CCDC13: variants seen among roughly 807,000 people sequenced by gnomAD.
The protein encoded by CCDC13 is coiled-coil domain containing 13, also known as coiled-coil domain-containing protein 13.
In CCDC13, 70 loss-of-function variants were observed where a neutral mutation model predicts 87.3. The ratio of observed to expected loss-of-function variants is 0.80; its 90% CI spans 0.66 to 0.98. The LOEUF (loss-of-function observed/expected upper bound fraction) is 0.98, where lower values mean the gene tolerates loss of function less well. Ranked by LOEUF, CCDC13 falls within the 50% of genes least tolerant of loss-of-function variation. CCDC13 has a pLI of 0.00. For missense variants in CCDC13, 842 were observed against 892.0 expected, an observed-to-expected ratio of 0.94 and a Z score of 0.71; for synonymous variants, 317 against 360.3, an observed-to-expected ratio of 0.88 and a Z score of 1.36.
chr3:42,747,437 C>T, intron 5 of CCDC13, 64 bp from the exon 6 acceptor site: 1 of 1,111,206 alleles, frequency 9.0e-7, no homozygotes, highest in Non-Finnish European at 1.4e-6. Context: ...GTAATCATAG[C>T]CCCCATTTAT....
chr3:42,742,654 A>G (rs1475896829), intron 8 of CCDC13, among the ~76,000 whole-genome samples: 2 of 152,114 alleles, frequency 1.3e-5, no homozygotes, highest in Non-Finnish European at 2.9e-5. Flanking sequence ...AGCACCTCCA[A>G]AACAGCCAGG....
At chr3:42,727,751 A>C (rs1698722316) in intron 13 of CCDC13, among the ~76,000 whole-genome samples, 1 of 152,256 alleles carries the variant, frequency 6.6e-6, no homozygotes, top group Non-Finnish European at 1.5e-5. Flanking sequence ...AACTAACTTT[A>C]GATTGCTGAG....
intron 2 of CCDC13, 37 bp downstream of exon 2, chr3:42,758,087 AC>A: frequency 1.9e-6 from 3 of 1,548,656 alleles, no homozygotes; most frequent in Non-Finnish European, 2.7e-6. Flanking sequence ...ACACACACAC[AC>A]ACACACACCC....
chr3:42,751,219 C>T (rs1427362629), intron 5 of CCDC13, among the ~76,000 whole-genome samples: 1 of 152,188 alleles, frequency 6.6e-6, no homozygotes, highest in African/African-American at 2.4e-5. Context: ...CACCAACTGG[C>T]CTGGCTTCCC....
intron 1 of CCDC13, among the ~76,000 whole-genome samples, chr3:42,770,028 AAG>A (rs1559667381): frequency 2.6e-5 from 4 of 152,104 alleles, no homozygotes. Flanking sequence ...GTCCCATCAA[AAG>A]CCCAAGGGCT....
At chr3:42,747,460 C>T in intron 5 of CCDC13, 87 bp from the exon 6 acceptor site, 1 of 921,436 alleles carries the variant, frequency 1.1e-6, no homozygotes, top group Non-Finnish European at 1.7e-6. Flanking sequence ...AAGTCTGTGC[C>T]AGGCACTGTG....
chr3:42,727,441 T>C (rs1409706777), intron 13 of CCDC13, among the ~76,000 whole-genome samples: 1 of 152,126 alleles, frequency 6.6e-6, no homozygotes, highest in Non-Finnish European at 1.5e-5. Flanking sequence ...GAGAGTTTAC[T>C]ATTTACATGG....
At chr3:42,709,579 G>T in intron 15 of CCDC13, 105 bp downstream of exon 15, 1 of 915,496 alleles carries the variant, frequency 1.1e-6, no homozygotes, top group Non-Finnish European at 1.8e-6. Flanking sequence ...AGCCTTCTGG[G>T]CAAATGAGTC....
downstream of CCDC13, among the ~76,000 whole-genome samples, chr3:42,705,173 A>G (rs1698148014): frequency 6.6e-6 from 1 of 152,126 alleles, no homozygotes; most frequent in African/African-American, 2.4e-5. Context: ...ACGTAAAGGC[A>G]CACCTGTGGG....
intron 13 of CCDC13, among the ~76,000 whole-genome samples, chr3:42,714,592 AT>A (rs1698388654): frequency 6.6e-6 from 1 of 152,334 alleles, no homozygotes; most frequent in South Asian, 2.1e-4. Context: ...CTAAAGGTTC[AT>A]TTAGTGAGAA....
At position 42,743,021 on chromosome 3, in the gene CCDC13, TC is replaced by T. The variant is rs142257868; in HGVS notation, c.861del (p.Ser288AlafsTer28). On this transcript the variant is annotated frameshift_variant, in exon 8 of 16. Transcript: ENST00000310232. LOFTEE classifies it high-confidence loss of function. ...QELEKQLGQA[R>X]SQSAGTASDE... Reference sequence around the variant, plus strand: ...TCACTGGCTGTTCCCGCAGACTGGCTCCGGGCCTGGCCCAATTGCTTCTCAA... The same window carrying T: ...TCACTGGCTGTTCCCGCAGACTGGCTCGGGCCTGGCCCAATTGCTTCTCAA... 2 of 1,614,156 alleles carry T rather than the reference TC, an allele frequency of 1.2e-6. No individual in the cohort carries two copies. The highest frequency in any genetic ancestry group is 3.3e-5 in the Admixed American group (2 of 60,006).
intron 13 of CCDC13, among the ~76,000 whole-genome samples, chr3:42,724,024 A>G (rs1698629599): frequency 6.6e-6 from 1 of 152,232 alleles, no homozygotes; most frequent in South Asian, 2.1e-4. Context: ...GACTGAAAAC[A>G]AAAAGGAATA....
chr3:42,706,171 G>C lies in CCDC13; in HGVS notation c.*2809C>G, dbSNP rs1243020107. The C allele has an allele frequency of 6.6e-6, 1 of 152,430 alleles. No individual in the cohort carries two copies. Among genetic ancestry groups the C allele is most frequent in the Non-Finnish European group, 1.5e-5 (1 of 68,188 alleles). 9.4% of individuals were successfully genotyped at this position (152,430 alleles called of 1,614,324 possible). A position where few individuals can be genotyped will look rare whatever the true frequency, so the allele number is the denominator to read the frequency against. Reference sequence around the variant, plus strand: ...GGCTGGCATGCTGTTGGCACTCACTGACTGCCTGGTGGCCGACTGGCTGGA... The same window carrying C: ...GGCTGGCATGCTGTTGGCACTCACTCACTGCCTGGTGGCCGACTGGCTGGA... On this transcript the variant is annotated 3_prime_UTR_variant, in exon 16 of 16. Transcript: ENST00000310232.
At chr3:42,732,855 A>T (rs1240283695) in intron 12 of CCDC13, 32 bp downstream of exon 12, 1 of 1,534,250 alleles carries the variant, frequency 6.5e-7, no homozygotes, top group Non-Finnish European at 8.8e-7. Context: ...ATGGGAAAAA[A>T]CTGTGAGAGT....
At chr3:42,729,913 A>G (rs1385113132) in intron 13 of CCDC13, among the ~76,000 whole-genome samples, 1 of 152,220 alleles carries the variant, frequency 6.6e-6, no homozygotes, top group South Asian at 2.1e-4. Flanking sequence ...GACACCTGCA[A>G]TTCTTGCCAA....
rs776853041 is a variant in CCDC13, at chr3:42,752,654, C to T, written c.434G>A (p.Arg145Gln). Residue 145 changes from arginine (R) to glutamine (Q), a missense_variant, in exon 4 of 16, where the codon CGG becomes CAG. Transcript: ENST00000310232. ...ACCCTCTGATTCTGCCATCAACAGC[C>T]GGTTCTTTTTTGATAGCTCCACAAT... ...TKIVELSKKN[R>Q]LLMAESEGAK... The T allele has an allele frequency of 2.7e-5, 43 of 1,614,084 alleles. No homozygotes were observed. The highest frequency in any genetic ancestry group is 1.1e-4 in the African/African-American group (8 of 74,924).
intron 1 of CCDC13, among the ~76,000 whole-genome samples, chr3:42,772,147 C>T (rs1700131798): frequency 6.6e-6 from 1 of 151,532 alleles, no homozygotes; most frequent in Non-Finnish European, 1.5e-5. Context: ...TGGCGGGCGC[C>T]TGTAATCCCA....
At chr3:42,754,656 T>C (rs376532628) in intron 3 of CCDC13, among the ~76,000 whole-genome samples, 3 of 152,216 alleles carry the variant, frequency 2.0e-5, no homozygotes, top group African/African-American at 7.2e-5. Flanking sequence ...GTAGCAAGCA[T>C]ATTGGGGAAG....
chr3:42,735,177 GC>G (rs1559646118), intron 10 of CCDC13, among the ~76,000 whole-genome samples: 2 of 152,256 alleles, frequency 1.3e-5, no homozygotes, highest in African/African-American at 4.8e-5. Context: ...CCAGACCGAG[GC>G]CGTGGGGGAG....
Sources: gnomAD v4.1 joint callset for allele counts (sites outside exome capture counted in the v4.1 genomes callset) on GRCh38, gnomAD v4.1.1 for gene constraint, MANE v1.5 for transcripts, NCBI Gene and HGNC (gene_info 2026-07-23, HGNC 2026-07-21) for gene names.